JADE3: variants seen among roughly 807,000 people sequenced by gnomAD.
The protein encoded by JADE3 is protein Jade-3.
Under a neutral mutation model 50.1 loss-of-function variants are expected in JADE3, and 2 were observed. The ratio of observed to expected loss-of-function variants is 0.04; its 90% CI spans 0.02 to 0.13. The LOEUF (loss-of-function observed/expected upper bound fraction) is 0.13, where lower values mean the gene tolerates loss of function less well. Among genes scored for constraint, JADE3 ranks in the 10% least tolerant of loss-of-function variants. The probability of loss-of-function intolerance (pLI) is 1.00; values close to 1 mark genes in which losing one functional copy is unlikely to be tolerated. For missense variants in JADE3, 475 were observed against 634.4 expected (o/e 0.75, Z 2.70); for synonymous variants, 218 against 232.9 (o/e 0.94, Z 0.58).
At chrX:47,017,849 T>A (rs1313737145) in intron 4 of JADE3, among the ~76,000 whole-genome samples, 1 of 111,572 alleles carries the variant, frequency 9.0e-6, no homozygotes, top group African/African-American at 3.3e-5. Context: ...ATTCAACAGT[T>A]CCACTTGGAT....
chrX:46,912,367 T>G (rs1925971723), upstream of JADE3: 1 of 108,923 alleles, frequency 9.2e-6, no homozygotes, highest in African/African-American at 3.3e-5. Flanking sequence ...CGGCGGTGGG[T>G]GGGAGGAGAG....
chrX:47,021,467 G>C (rs1270282742), intron 4 of JADE3, among the ~76,000 whole-genome samples: 1 of 110,948 alleles, frequency 9.0e-6, no homozygotes, highest in Non-Finnish European at 1.9e-5. Flanking sequence ...TATATACCTA[G>C]TGTGGGTTTG....
chrX:46,947,749 C>G lies in JADE3; in HGVS notation c.-12+35030C>G, dbSNP rs1926915467. Among the ~76,000 whole-genome samples, 3 of 111,432 alleles carry G rather than the reference C, an allele frequency of 2.7e-5. No individual in the cohort carries two copies. In the South Asian group the frequency reaches 1.1e-3, roughly 43 times the overall value. The stretch of plus-strand genomic sequence containing the variant: ...TTTCATAATAAAAATCTGCATTTTG[C>G]TCATCCCCAGCATGAGAGGTACCGT... On this transcript the variant is annotated intron_variant, in intron 1 of 10. Coordinates refer to ENST00000614628, the MANE Select transcript of JADE3 (RefSeq NM_014735.5).
intron 1 of JADE3, among the ~76,000 whole-genome samples, chrX:46,980,742 T>G (rs1927729562): frequency 8.9e-6 from 1 of 111,961 alleles, no homozygotes; most frequent in African/African-American, 3.2e-5. Context: ...CATTTTTCAT[T>G]TAAGTCTGTG....
At chrX:46,954,826 A>G (rs1339076536) in intron 1 of JADE3, among the ~76,000 whole-genome samples, 1 of 112,235 alleles carries the variant, frequency 8.9e-6, no homozygotes, top group African/African-American at 3.2e-5. Context: ...AAGTGCTAGG[A>G]TTATAGGTGT....
chrX:46,976,656 A>T (rs1381738782), intron 1 of JADE3, among the ~76,000 whole-genome samples: 1 of 111,989 alleles, frequency 8.9e-6, no homozygotes, highest in Non-Finnish European at 1.9e-5. Context: ...AGTGTAAGAC[A>T]TCGAGATATA....
At chrX:46,976,785 A>T (rs1556351740) in intron 1 of JADE3, among the ~76,000 whole-genome samples, 1 of 111,706 alleles carries the variant, frequency 9.0e-6, no homozygotes, top group Non-Finnish European at 1.9e-5. Flanking sequence ...TATGTTCCTT[A>T]TTCCTCTTTT....
Position 47,024,901 on chromosome X carries a change from C to A in JADE3, c.462C>A (p.Asp154Glu). 1 of 1,166,501 alleles carries A rather than the reference C, an allele frequency of 8.6e-7. No individual in the cohort carries two copies. The highest frequency in any genetic ancestry group is 1.2e-6 in the Non-Finnish European group (1 of 860,395). Reference sequence around the variant, plus strand: ...TCTGGCTTCAGGAACTCAATGAAGACCTTGCAGAAATGGGTAAGTTCTTTT... The same window carrying A: ...TCTGGCTTCAGGAACTCAATGAAGAACTTGCAGAAATGGGTAAGTTCTTTT... ...DIFWLQELNE[D>E]LAEMGCGPVD... The change falls in exon 5 of 11, where the codon GAC becomes GAA. Residue 154 changes from aspartate to glutamate, a missense_variant. Transcript: ENST00000614628.
Position 47,015,874 on chromosome X carries a change from T to C in JADE3, c.285-8850T>C, listed in dbSNP as rs900873948. Among the ~76,000 whole-genome samples, 7 of 108,704 alleles carry C rather than the reference T, an allele frequency of 6.4e-5. No homozygotes were observed. The East Asian group carries it at 1.5e-3, about 23-fold the overall frequency. The allele number at this position is 108,704 out of a possible 115,157, so 94.4% of individuals were successfully genotyped here. A position where few individuals can be genotyped will look rare whatever the true frequency, so the allele number is the denominator to read the frequency against. ...AGCTGGGACTACAGACGTGAGCCAC[T>C]GCACCCAACCAGTCTCAGCATCTTA... On this transcript the variant is annotated intron_variant, in intron 4 of 10. Coordinates refer to ENST00000614628, the MANE Select transcript of JADE3 (RefSeq NM_014735.5).
At chrX:46,916,754 A>G (rs1227728172) in intron 1 of JADE3, among the ~76,000 whole-genome samples, 1 of 112,015 alleles carries the variant, frequency 8.9e-6, no homozygotes, top group Non-Finnish European at 1.9e-5. Context: ...GAGGTGAAAG[A>G]TACCCCCTTA....
At chrX:46,989,543 A>C (rs182117491) in intron 3 of JADE3, among the ~76,000 whole-genome samples, 102 of 111,268 alleles carry the variant, frequency 9.2e-4, no homozygotes, top group African/African-American at 3.0e-3. Context: ...TCTGGCCTCC[A>C]TGGTCTCTGA....
chrX:46,974,232 C>T (rs947442893), intron 1 of JADE3, among the ~76,000 whole-genome samples: 8 of 110,964 alleles, frequency 7.2e-5, no homozygotes, highest in African/African-American at 2.6e-4. Flanking sequence ...GGTGAAACCC[C>T]GTCTCTACTA....
intron 7 of JADE3, among the ~76,000 whole-genome samples, chrX:47,038,673 GAAGAAAGA>G (rs1232519992): frequency 3.6e-5 from 3 of 83,688 alleles, no homozygotes; most frequent in African/African-American, 1.3e-4. Flanking sequence ...AAAAAAAAAA[GAAGAAAGA>G]AAGAAAGAAA....
At chrX:47,012,171 A>G (rs1928576428) in intron 4 of JADE3, among the ~76,000 whole-genome samples, 1 of 111,905 alleles carries the variant, frequency 8.9e-6, no homozygotes, top group African/African-American at 3.2e-5. Flanking sequence ...GAGTCATAAG[A>G]GTTCTTTACA....
intron 4 of JADE3, among the ~76,000 whole-genome samples, chrX:47,009,425 A>G (rs182328124): frequency 1.8e-5 from 2 of 111,511 alleles, no homozygotes; most frequent in African/African-American, 6.5e-5. Flanking sequence ...ACCTAAGGGC[A>G]GAACCCCTAC....
At chrX:46,917,809 C>CTCTCTT (rs1926121490) in intron 1 of JADE3, among the ~76,000 whole-genome samples, 1 of 90,160 alleles carries the variant, frequency 1.1e-5, no homozygotes, top group African/African-American at 4.2e-5. Flanking sequence ...GTCTCTCTCT[C>CTCTCTT]TCTCTCTCTC....
At chrX:46,968,621 T>C (rs1418643310) in intron 1 of JADE3, among the ~76,000 whole-genome samples, 1 of 108,776 alleles carries the variant, frequency 9.2e-6, no homozygotes, top group African/African-American at 3.3e-5. Context: ...CAAACACCAA[T>C]CAAAAGAAAA....
At chrX:46,924,912 G>A (rs1405748825) in intron 1 of JADE3, among the ~76,000 whole-genome samples, 1 of 111,399 alleles carries the variant, frequency 9.0e-6, no homozygotes, top group Non-Finnish European at 1.9e-5. Flanking sequence ...TATCCACATC[G>A]CCAGGTGCCA....
rs782439734 is a variant in JADE3, at chrX:46,992,229, G to A, written c.127-5891G>A. Among the ~76,000 whole-genome samples the A allele has an allele frequency of 2.7e-5, 3 of 110,697 alleles. No individual in the cohort carries two copies. The Admixed American group carries it at 2.9e-4, about 11-fold the overall frequency. ...CCTTTTGTTTGGTAAGGGAACCAGG[G>A]CACTAAGCACCAAGTACCCAGACAG... On this transcript the variant is annotated intron_variant, in intron 3 of 10. Transcript: ENST00000614628.
Sources: gnomAD v4.1 joint callset for allele counts (sites outside exome capture counted in the v4.1 genomes callset) on GRCh38, gnomAD v4.1.1 for gene constraint, MANE v1.5 for transcripts, NCBI Gene and HGNC (gene_info 2026-07-23, HGNC 2026-07-21) for gene names.